Variants in HTRA4 observed in about 807,000 individuals in gnomAD.
HTRA4 encodes serine protease HTRA4.
HTRA4 carries 46 observed loss-of-function variants against 49.1 expected under a neutral mutation model. The observed-to-expected ratio is 0.94, with a 90% CI of 0.74 to 1.20. HTRA4 has a LOEUF of 1.20. Among genes scored for constraint, HTRA4 ranks in the 50% most tolerant of loss-of-function variants. The pLI is 0.00. For synonymous variants in HTRA4, 261 were observed against 264.0 expected (o/e 0.99, Z 0.11); for missense variants, 602 against 636.9 (o/e 0.95, Z 0.59).
At chr8:38,982,305 C>T (rs1835433560) in intron 6 of HTRA4, among the ~76,000 whole-genome samples, 193 bp from the exon 7 acceptor site, 1 of 152,086 alleles carries the variant, frequency 6.6e-6, no homozygotes, top group Non-Finnish European at 1.5e-5. Context: ...AAATGAAACC[C>T]AGGGGCTGGA....
intron 4 of HTRA4, among the ~76,000 whole-genome samples, chr8:38,978,633 G>A (rs1588291791): frequency 6.6e-6 from 1 of 152,122 alleles, no homozygotes; most frequent in Non-Finnish European, 1.5e-5. Context: ...AGTCTGTCTC[G>A]TTCGCTGTGA....
At chr8:38,983,493 T>A (rs1391209131) in intron 8 of HTRA4, among the ~76,000 whole-genome samples, 1 of 151,942 alleles carries the variant, frequency 6.6e-6, no homozygotes, top group Non-Finnish European at 1.5e-5. Flanking sequence ...GCCACTGTAC[T>A]CCAGTCTGGG....
rs1835509972 is a variant in HTRA4 at position 38,988,180 on chromosome 8, T to C, written c.*82T>C. ...GTTTGTATTGGAGATGTGCCAAACATGGCAAGAAGTTTTTGGATCTTTTTC... is the reference window on the plus strand; with the variant it reads ...GTTTGTATTGGAGATGTGCCAAACACGGCAAGAAGTTTTTGGATCTTTTTC... On this transcript the variant is annotated 3_prime_UTR_variant, in exon 9 of 9. Transcript: ENST00000302495. 3 of 1,284,576 alleles carry C rather than the reference T, an allele frequency of 2.3e-6. No homozygotes were observed. Among genetic ancestry groups the C allele is most frequent in the Non-Finnish European group, 3.1e-6 (3 of 966,558 alleles). The allele number at this position is 1,284,576 out of a possible 1,614,324, so 79.6% of individuals were successfully genotyped here. A position where few individuals can be genotyped will look rare whatever the true frequency, so the allele number is the denominator to read the frequency against.
In HTRA4 at chr8:38,987,995, C is replaced by G; in HGVS notation, c.1328C>G (p.Thr443Arg). ...VNINGKPITT[T>R]TDVVKALDSD... ...ATAAATGGGAAACCTATTACTACTA[C>G]AACTGATGTTGTTAAAGCTCTTGAC... The change falls in exon 9 of 9, where the codon ACA becomes AGA. Residue 443 changes from threonine to arginine, a missense_variant. Coordinates refer to ENST00000302495, the MANE Select transcript of HTRA4 (RefSeq NM_153692.4). 1 of 1,611,934 alleles carries G rather than the reference C, an allele frequency of 6.2e-7. No homozygotes were observed. Among genetic ancestry groups the G allele is most frequent in the Non-Finnish European group, 8.5e-7 (1 of 1,179,322 alleles).
At chr8:38,981,045 G>A (rs1412975215) in intron 5 of HTRA4, among the ~76,000 whole-genome samples, 4 of 134,482 alleles carry the variant, frequency 3.0e-5, no homozygotes, top group African/African-American at 8.2e-5. Flanking sequence ...ACTTACTAAA[G>A]GAAAAAAATG....
Position 38,974,671 on chromosome 8 carries a change from G to C in HTRA4, c.408G>C (p.Ala136=), listed in dbSNP as rs367660535. The change falls in exon 1 of 9, where the codon GCG becomes GCC. Residue 136 remains alanine (A), a synonymous_variant. Transcript: ENST00000302495. ...CGCTCCGGGCCGAAAACCGCGCCGC[G>C]CGCCGCCTGGGCAAGGTCCCGGCCG... ...MCALRAENRA[A]RRLGKVPAVP... 7.1e-7 allele frequency: 1 copy of C among 1,399,968 alleles called. No individual in the cohort carries two copies. The highest frequency in any genetic ancestry group is 3.4e-5 in the Admixed American group (1 of 29,396). The allele number at this position is 1,399,968 out of a possible 1,614,324, so 86.7% of individuals were successfully genotyped here. A position where few individuals can be genotyped will look rare whatever the true frequency, so the allele number is the denominator to read the frequency against.
In HTRA4 at chr8:38,980,457, G is replaced by T. The variant is rs1487300024; in HGVS notation, c.1000-1196G>T. 2.0e-5 allele frequency among the ~76,000 whole-genome samples: 3 copies of T among 152,078 alleles called. No homozygotes were observed. The East Asian group carries it at 5.8e-4, about 29-fold the overall frequency. On this transcript the variant is annotated intron_variant, in intron 5 of 8. Coordinates refer to ENST00000302495, the MANE Select transcript of HTRA4 (RefSeq NM_153692.4). ...GAAATCTCTTTTCTGGCTGGGTACG[G>T]TGGCTCACTCCTGTAATCCCAGCAC...
rs555350077 is a variant in HTRA4 at position 38,981,241 on chromosome 8, G to A, written c.1000-412G>A. Among the ~76,000 whole-genome samples the A allele has an allele frequency of 1.4e-3, 212 of 150,786 alleles. 1 individual carries two copies. Among genetic ancestry groups the A allele is most frequent in the African/African-American group, 5.0e-3 (206 of 41,132 alleles). On this transcript the variant is annotated intron_variant, in intron 5 of 8. Coordinates refer to ENST00000302495, the MANE Select transcript of HTRA4 (RefSeq NM_153692.4). ...ACTACAGGCACCCGCCACCAGGCCCGGCTAATTTTTTATATTTTTAGTAGA... is the reference window on the plus strand; with the variant it reads ...ACTACAGGCACCCGCCACCAGGCCCAGCTAATTTTTTATATTTTTAGTAGA...
rs776218670 is a variant in HTRA4 at position 38,974,389 on chromosome 8, G to T, written c.126G>T (p.Ala42=). ...TACATACCCAGCCCTCCTGCCCCGC[G>T]GTCTGCCAGCCCACGCGCTGCCCCG... The part of the protein sequence containing the change: ...EKLHTQPSCP[A]VCQPTRCPAL... The change falls in exon 1 of 9, where the codon GCG becomes GCT. Residue 42 remains alanine, a synonymous_variant. Transcript: ENST00000302495. 2.5e-6 allele frequency: 4 copies of T among 1,572,502 alleles called. No individual in the cohort carries two copies. The highest frequency in any genetic ancestry group is 2.3e-5 in the South Asian group (2 of 86,752).
intron 7 of HTRA4, 75 bp downstream of exon 7, chr8:38,982,630 G>C: frequency 4.9e-6 from 7 of 1,432,230 alleles, no homozygotes; most frequent in Non-Finnish European, 6.9e-6. Context: ...TAACAGAAAA[G>C]CTGAGCCACT....
At chr8:38,983,476 A>T (rs1365565513) in intron 8 of HTRA4, among the ~76,000 whole-genome samples, 1 of 152,130 alleles carries the variant, frequency 6.6e-6, no homozygotes, top group Non-Finnish European at 1.5e-5. Context: ...CAGTGAGCTG[A>T]GATCACGCCA....
In HTRA4 at chr8:38,981,709, A is replaced by G. The variant is rs757281803; in HGVS notation, c.1056A>G (p.Ala352=). 1.5e-5 allele frequency: 25 copies of G among 1,613,482 alleles called. No individual in the cohort carries two copies. Among genetic ancestry groups the G allele is most frequent in the Non-Finnish European group, 1.9e-5 (22 of 1,179,964 alleles). ...GGGTGACTGATGGAATCTCCTTTGC[A>G]ATTCCTTCAGATCGAGTTAGGCAGT... is the stretch of plus-strand genomic sequence containing the variant. ...SLRVTDGISF[A]IPSDRVRQFL... Residue 352 remains alanine, a synonymous_variant, in exon 6 of 9, where the codon GCA becomes GCG. Coordinates refer to ENST00000302495, the MANE Select transcript of HTRA4 (RefSeq NM_153692.4).
At chr8:38,986,462 T>G (rs149844291) in intron 8 of HTRA4, among the ~76,000 whole-genome samples, 11 of 152,162 alleles carry the variant, frequency 7.2e-5, no homozygotes, top group East Asian at 1.9e-4. Context: ...AGAGACGAGG[T>G]TTCACTATGT....
rs2129427144 is a variant in HTRA4, at chr8:38,977,829, G to A, written c.772-124G>A. ...AGCTGTGTGAGTGGGTGCTTCTCAGGTGGTAAGGGCCAAGGTGATAGAGAC... is the reference window on the plus strand; with the variant it reads ...AGCTGTGTGAGTGGGTGCTTCTCAGATGGTAAGGGCCAAGGTGATAGAGAC... On this transcript the variant is annotated intron_variant, in intron 3 of 8. Transcript: ENST00000302495. 10 of 902,382 alleles carry A rather than the reference G, an allele frequency of 1.1e-5. No individual in the cohort carries two copies. In the South Asian group the frequency reaches 1.6e-4, roughly 15 times the overall value. 55.9% of individuals were successfully genotyped at this position (902,382 alleles called of 1,614,324 possible).
intron 8 of HTRA4, among the ~76,000 whole-genome samples, chr8:38,987,532 C>T (rs565460249): frequency 3.3e-5 from 5 of 152,010 alleles, no homozygotes; most frequent in Non-Finnish European, 7.3e-5. Flanking sequence ...CAAACTGAGC[C>T]GAGTTTAAGT....
At chr8:38,982,920 T>C (rs1042790607) in intron 7 of HTRA4, 33 bp from the exon 8 acceptor site, 3 of 1,466,322 alleles carry the variant, frequency 2.0e-6, no homozygotes, top group East Asian at 2.3e-5. Context: ...AGGAGACTAA[T>C]TCATTGTTTC....
In HTRA4 at chr8:38,982,937, T is replaced by C; in HGVS notation, c.1173-16T>C. 6.4e-7 allele frequency: 1 copy of C among 1,562,634 alleles called. No individual in the cohort carries two copies. The highest frequency in any genetic ancestry group is 1.4e-5 in the African/African-American group (1 of 73,784). ...GAGACTAATTCATTGTTTCCTAATC[T>C]TCTCACTTCTCTTAGCCTTAGTGAA... On this transcript the variant is annotated splice_polypyrimidine_tract_variant and intron_variant, in intron 7 of 8. Coordinates refer to ENST00000302495, the MANE Select transcript of HTRA4 (RefSeq NM_153692.4).
At chr8:38,980,273 TG>T (rs1036201502) in intron 5 of HTRA4, among the ~76,000 whole-genome samples, 36 of 151,978 alleles carry the variant, frequency 2.4e-4, no homozygotes, top group Non-Finnish European at 1.0e-4. Context: ...GCAAAATGAT[TG>T]TTTTTTTTTT....
rs749398598 is a variant in HTRA4 at position 38,974,471 on chromosome 8, C to T, written c.208C>T (p.Arg70Cys). 2 of 1,528,134 alleles carry T rather than the reference C, an allele frequency of 1.3e-6. No individual in the cohort carries two copies. The highest frequency in any genetic ancestry group is 2.0e-5 in the Admixed American group (1 of 49,996). 94.7% of individuals were successfully genotyped at this position (1,528,134 alleles called of 1,614,324 possible). Residue 70 changes from arginine (R) to cysteine (C), a missense_variant, in exon 1 of 9, where the codon CGC becomes TGC. Transcript: ENST00000302495. Reference sequence around the variant, plus strand: ...GGTGTTCGACCTGTGCCGCTGTTGCCGCGTCTGCCCCGCGGCCGAGCGTGA... The same window carrying T: ...GGTGTTCGACCTGTGCCGCTGTTGCTGCGTCTGCCCCGCGGCCGAGCGTGA... ...TPVFDLCRCC[R>C]VCPAAEREVC...
Sources: allele counts gnomAD v4.1 joint callset (sites outside exome capture counted in the v4.1 genomes callset), GRCh38; gene constraint gnomAD v4.1.1; transcripts MANE v1.5; gene names NCBI Gene and HGNC (gene_info 2026-07-23, HGNC 2026-07-21).